Variants in RAB31 observed in about 807,000 individuals in gnomAD.
RAB31 encodes RAB31, member RAS oncogene family.
Under a neutral mutation model 25.6 loss-of-function variants are expected in RAB31, and 21 were observed. The observed-to-expected ratio is 0.82, with a 90% CI of 0.58 to 1.18. The LOEUF (loss-of-function observed/expected upper bound fraction) is 1.18, where lower values mean the gene tolerates loss of function less well. RAB31 is among the 50% of genes most tolerant of loss of function. RAB31 has a pLI of 0.00. For missense variants in RAB31, 196 were observed against 250.1 expected (o/e 0.78, Z 1.46); for synonymous variants, 87 against 84.0 (o/e 1.04, Z -0.20).
At chr18:9,776,137 G>C (rs115863990) in intron 2 of RAB31, among the ~76,000 whole-genome samples, 1 of 152,256 alleles carries the variant, frequency 6.6e-6, no homozygotes, top group African/African-American at 2.4e-5. Flanking sequence ...TCATGTGTGG[G>C]GAGGGGTGGA....
At position 9,856,822 on chromosome 18, in the gene RAB31, G is replaced by A. The variant is rs529563670; in HGVS notation, c.491-2406G>A. On this transcript the variant is annotated intron_variant, in intron 6 of 6. Coordinates refer to ENST00000578921, the MANE Select transcript of RAB31 (RefSeq NM_006868.4). ...ACTAACTTCAATAATGATGTAACTC[G>A]ACACTGTCACCCCTTTCTCTTCAGG... Among the ~76,000 whole-genome samples, 11 of 152,238 alleles carry A rather than the reference G, an allele frequency of 7.2e-5. No homozygotes were observed. The East Asian group carries it at 1.4e-3, about 19-fold the overall frequency.
At chr18:9,816,316 A>C (rs1324621449) in intron 5 of RAB31, among the ~76,000 whole-genome samples, 1 of 152,236 alleles carries the variant, frequency 6.6e-6, no homozygotes, top group Non-Finnish European at 1.5e-5. Flanking sequence ...CCATACAATG[A>C]TAAATGTTCA....
At chr18:9,840,256 A>G (rs540049322) in intron 5 of RAB31, among the ~76,000 whole-genome samples, 113 of 152,364 alleles carry the variant, frequency 7.4e-4, no homozygotes, top group African/African-American at 2.5e-3. Flanking sequence ...GTCTAAAAAT[A>G]GTCTTTACCG....
intron 1 of RAB31, among the ~76,000 whole-genome samples, chr18:9,754,626 C>A (rs906843297): frequency 6.6e-6 from 1 of 152,174 alleles, no homozygotes; most frequent in Non-Finnish European, 1.5e-5. Flanking sequence ...GGCATAACAA[C>A]TATTTACATA....
At chr18:9,775,483 C>T in intron 2 of RAB31, 126 bp downstream of exon 2, 1 of 1,482,320 alleles carries the variant, frequency 6.7e-7, no homozygotes, top group South Asian at 1.3e-5. Context: ...GAATCAATCC[C>T]AGCTGTAGAC....
chr18:9,724,099 G>A (rs949152868), intron 1 of RAB31, among the ~76,000 whole-genome samples: 4 of 151,132 alleles, frequency 2.6e-5, no homozygotes, highest in Non-Finnish European at 4.4e-5. Context: ...GTGAAACCCC[G>A]TCTCTACTAA....
chr18:9,806,049 C>T (rs531422135), intron 3 of RAB31, among the ~76,000 whole-genome samples: 1 of 152,198 alleles, frequency 6.6e-6, no homozygotes, highest in African/African-American at 2.4e-5. Context: ...TGGTGGCAGG[C>T]ATCTGTAGTC....
chr18:9,749,832 T>C (rs2068225326), intron 1 of RAB31, among the ~76,000 whole-genome samples: 1 of 152,202 alleles, frequency 6.6e-6, no homozygotes, highest in South Asian at 2.1e-4. Context: ...AAAGTCCTCG[T>C]TGTTCCTCTG....
At chr18:9,711,877 G>T (rs1246246751) in intron 1 of RAB31, among the ~76,000 whole-genome samples, 2 of 152,240 alleles carry the variant, frequency 1.3e-5, no homozygotes, top group Non-Finnish European at 1.5e-5. Context: ...TTTTGTGCCT[G>T]GTACTGTGCT....
chr18:9,824,741 G>T (rs1368344880), intron 5 of RAB31, among the ~76,000 whole-genome samples: 2 of 152,206 alleles, frequency 1.3e-5, no homozygotes, highest in Non-Finnish European at 1.5e-5. Flanking sequence ...ATCCGGTCAG[G>T]TACACTCAGG....
intron 1 of RAB31, among the ~76,000 whole-genome samples, chr18:9,743,245 T>G (rs1237718130): frequency 2.6e-5 from 4 of 152,248 alleles, no homozygotes; most frequent in Non-Finnish European, 5.9e-5. Flanking sequence ...GACCAGCACC[T>G]GAGGAAGAAT....
chr18:9,710,085 C>T (rs1355701821), intron 1 of RAB31, among the ~76,000 whole-genome samples: 1 of 152,174 alleles, frequency 6.6e-6, no homozygotes, highest in Non-Finnish European at 1.5e-5. Flanking sequence ...TCACAGGACC[C>T]CTTATTTTCA....
intron 1 of RAB31, among the ~76,000 whole-genome samples, chr18:9,775,067 C>T (rs540263041): frequency 3.5e-4 from 54 of 152,212 alleles, no homozygotes; most frequent in African/African-American, 1.2e-3. Flanking sequence ...CTGATTTTTA[C>T]CATACTTCTT....
rs114956142 is a variant in RAB31 at position 9,844,231 on chromosome 18, C to T, written c.381-1351C>T. 3.2e-3 allele frequency among the ~76,000 whole-genome samples: 484 copies of T among 152,242 alleles called. 3 individuals carry two copies. The highest frequency in any genetic ancestry group is 0.011 in the African/African-American group (466 of 41,532). On this transcript the variant is annotated intron_variant, in intron 5 of 6. Coordinates refer to ENST00000578921, the MANE Select transcript of RAB31 (RefSeq NM_006868.4). ...CTGGGTATAGACAGACATGGTGTGC[C>T]TCCCTCTCTCAGCTCCAACCTCTCT...
In RAB31 at chr18:9,708,753, G is replaced by A. The variant is rs183032508; in HGVS notation, c.39+309G>A. 1.7e-4 allele frequency among the ~76,000 whole-genome samples: 26 copies of A among 152,206 alleles called. No homozygotes were observed. Among genetic ancestry groups the A allele is most frequent in the South Asian group, 4.1e-4 (2 of 4,826 alleles). On this transcript the variant is annotated intron_variant, in intron 1 of 6. Coordinates refer to ENST00000578921, the MANE Select transcript of RAB31 (RefSeq NM_006868.4). This position sits in a 1 kb window ranked among gnomAD's most constrained non-coding sequence, Gnocchi z 6.4. ...CGGGGTCCGGGTCCGAGCCTGCCCC[G>A]GGCTTACTCCGCTCTTTCCTCCCGG...
intron 5 of RAB31, among the ~76,000 whole-genome samples, chr18:9,828,459 A>G (rs539115388): frequency 6.6e-6 from 1 of 152,288 alleles, no homozygotes; most frequent in East Asian, 1.9e-4. Flanking sequence ...TGTGTGATTC[A>G]TGCAATTTCC....
At chr18:9,806,017 A>G (rs2068538826) in intron 3 of RAB31, among the ~76,000 whole-genome samples, 2 of 152,146 alleles carry the variant, frequency 1.3e-5, no homozygotes, top group Admixed American at 1.3e-4. Context: ...TACTAAAAAA[A>G]TACAAAAAAA....
intron 3 of RAB31, among the ~76,000 whole-genome samples, chr18:9,806,278 C>T (rs923444836): frequency 2.0e-5 from 3 of 152,204 alleles, no homozygotes; most frequent in Admixed American, 1.3e-4. Context: ...GTCTTCTCTC[C>T]CTGGTTTCAC....
intron 2 of RAB31, among the ~76,000 whole-genome samples, chr18:9,780,428 A>C: frequency 6.6e-6 from 1 of 152,232 alleles, no homozygotes; most frequent in East Asian, 1.9e-4. Context: ...ATATTTTAAA[A>C]ACCCATAATC....
Sources: gnomAD v4.1 joint callset for allele counts (sites outside exome capture counted in the v4.1 genomes callset) on GRCh38, gnomAD v4.1.1 for gene constraint, Gnocchi (gnomAD v3.1) non-coding constraint, MANE v1.5 for transcripts, NCBI Gene and HGNC (gene_info 2026-07-23, HGNC 2026-07-21) for gene names.